Variants in NUBPL observed in about 807,000 individuals in gnomAD.
NUBPL encodes the protein NUBP iron-sulfur cluster assembly factor, mitochondrial, also known as iron-sulfur cluster transfer protein NUBPL.
Under a neutral mutation model 45.7 loss-of-function variants are expected in NUBPL, and 31 were observed. The ratio of observed to expected loss-of-function variants is 0.68; its 90% CI spans 0.51 to 0.92. The LOEUF is 0.92. Ranked by LOEUF, NUBPL falls within the 40% of genes least tolerant of loss-of-function variation. The pLI is 0.00. For missense variants in NUBPL, 401 were observed against 398.7 expected, an observed-to-expected ratio of 1.01 and a Z score of -0.05; for synonymous variants, 144 against 140.9, an observed-to-expected ratio of 1.02 and a Z score of -0.15.
chr14:31,608,757 G>T (rs2034672310), intron 4 of NUBPL, among the ~76,000 whole-genome samples: 1 of 152,084 alleles, frequency 6.6e-6, no homozygotes, highest in Non-Finnish European at 1.5e-5. Context: ...TCTGACAGGA[G>T]GCGGAACTCA....
At chr14:31,743,590 G>T (rs1181369758) in intron 6 of NUBPL, among the ~76,000 whole-genome samples, 1 of 152,118 alleles carries the variant, frequency 6.6e-6, no homozygotes, top group African/African-American at 2.4e-5. Context: ...GTGTTGGCCA[G>T]GCTGGTCTCG....
chr14:31,770,209 TAC>T (rs1321855939), intron 6 of NUBPL, among the ~76,000 whole-genome samples: 1 of 152,230 alleles, frequency 6.6e-6, no homozygotes, highest in Non-Finnish European at 1.5e-5. Flanking sequence ...GAGAGTTTAA[TAC>T]ACGTAGAGCT....
intron 4 of NUBPL, among the ~76,000 whole-genome samples, chr14:31,666,273 T>A (rs1021814378): frequency 0.063 from 6,731 of 106,108 alleles, 447 homozygotes; most frequent in Admixed American, 0.1. Context: ...AATTTTATTT[T>A]ATTTTTTTTG....
At chr14:31,591,477 G>A (rs2139527119) in intron 3 of NUBPL, among the ~76,000 whole-genome samples, 1 of 152,084 alleles carries the variant, frequency 6.6e-6, no homozygotes, top group Non-Finnish European at 1.5e-5. Flanking sequence ...TTTTAATAAA[G>A]CCACCATAGA....
intron 3 of NUBPL, among the ~76,000 whole-genome samples, chr14:31,582,363 A>T (rs971497672): frequency 6.7e-6 from 1 of 148,238 alleles, no homozygotes; most frequent in Non-Finnish European, 1.5e-5. Context: ...CAGGGGAAGG[A>T]TGTTTTCAGG....
At chr14:31,635,861 G>T (rs995077888) in intron 4 of NUBPL, among the ~76,000 whole-genome samples, 2 of 152,162 alleles carry the variant, frequency 1.3e-5, no homozygotes, top group African/African-American at 4.8e-5. Context: ...AATTGTGAAT[G>T]GGCGTTCACT....
At chr14:31,802,420 C>T (rs1054451466) in intron 7 of NUBPL, among the ~76,000 whole-genome samples, 13 of 152,034 alleles carry the variant, frequency 8.6e-5, no homozygotes, top group Middle Eastern at 3.4e-3. Flanking sequence ...GGACTACAGG[C>T]GCGTGCCACC....
At chr14:31,577,203 C>T (rs1037543082) in intron 3 of NUBPL, among the ~76,000 whole-genome samples, 8 of 152,216 alleles carry the variant, frequency 5.3e-5, no homozygotes, top group Non-Finnish European at 1.2e-4. Flanking sequence ...ATATCAGTCA[C>T]TAAGTGGGTT....
At chr14:31,580,487 G>A (rs933422392) in intron 3 of NUBPL, among the ~76,000 whole-genome samples, 15 of 152,084 alleles carry the variant, frequency 9.9e-5, no homozygotes, top group African/African-American at 2.2e-4. Flanking sequence ...GCATGGTGGC[G>A]TACAGCTGTA....
intron 4 of NUBPL, among the ~76,000 whole-genome samples, chr14:31,666,263 A>ATATATTTATTTATTATTT: frequency 6.9e-4 from 77 of 111,866 alleles, no homozygotes; most frequent in Middle Eastern, 9.4e-3. Flanking sequence ...ATATATATAT[A>ATATATTTATTTATTATTT]ATTTTATTTT....
chr14:31,644,662 A>G (rs1479324083), intron 4 of NUBPL, among the ~76,000 whole-genome samples: 1 of 152,022 alleles, frequency 6.6e-6, no homozygotes, highest in Admixed American at 6.6e-5. Context: ...ATGTCAGTTA[A>G]GTGTATTTGG....
At chr14:31,622,025 A>G (rs1202185485) in intron 4 of NUBPL, among the ~76,000 whole-genome samples, 2 of 152,220 alleles carry the variant, frequency 1.3e-5, no homozygotes, top group African/African-American at 4.8e-5. Flanking sequence ...GATATGCACA[A>G]TGAAGTTTAG....
At chr14:31,645,179 C>A (rs1428422336) in intron 4 of NUBPL, among the ~76,000 whole-genome samples, 1 of 151,894 alleles carries the variant, frequency 6.6e-6, no homozygotes, top group Non-Finnish European at 1.5e-5. Context: ...CATTCTCCTG[C>A]CTCAGCCTCC....
chr14:31,809,426 G>A (rs768561388), intron 7 of NUBPL, among the ~76,000 whole-genome samples: 1 of 152,186 alleles, frequency 6.6e-6, no homozygotes, highest in Non-Finnish European at 1.5e-5. Context: ...AGTATTCTCT[G>A]ATGGTAGTTT....
At chr14:31,616,218 T>C (rs939116123) in intron 4 of NUBPL, among the ~76,000 whole-genome samples, 1 of 152,192 alleles carries the variant, frequency 6.6e-6, no homozygotes, top group Non-Finnish European at 1.5e-5. Flanking sequence ...GCAAAAATTT[T>C]CTCCCATTCT....
intron 4 of NUBPL, among the ~76,000 whole-genome samples, chr14:31,622,366 G>C (rs1282809739): frequency 6.6e-6 from 1 of 152,034 alleles, no homozygotes. Context: ...AGCAAAACTC[G>C]TTTTTTTGGG....
intron 8 of NUBPL, 67 bp from the exon 9 acceptor site, chr14:31,846,404 A>G (rs2040453146): frequency 1.5e-6 from 2 of 1,348,578 alleles, no homozygotes; most frequent in Non-Finnish European, 1.0e-6. Flanking sequence ...CTCTGTAAAA[A>G]TTTGTTGAAG....
intron 6 of NUBPL, among the ~76,000 whole-genome samples, chr14:31,720,673 C>CA (rs2037788865): frequency 6.6e-6 from 1 of 152,088 alleles, no homozygotes; most frequent in Non-Finnish European, 1.5e-5. Context: ...CTGTGCTGTC[C>CA]AATACAGTAA....
At position 31,635,300 on chromosome 14, in the gene NUBPL, G is replaced by C. The variant is rs1000204816; in HGVS notation, c.382+35921G>C. 4.3e-4 allele frequency among the ~76,000 whole-genome samples: 66 copies of C among 152,182 alleles called. 1 individual carries two copies. Among genetic ancestry groups the C allele is most frequent in the South Asian group, 1.9e-3 (9 of 4,818 alleles). On this transcript the variant is annotated intron_variant, in intron 4 of 10. Transcript: ENST00000281081. ...AAGGAGGGGATCCAGTTTCAGCTTT[G>C]TACATATGGCTAGCCAGTTTTCCCA...
Sources: gnomAD v4.1 joint callset for allele counts (sites outside exome capture counted in the v4.1 genomes callset) on GRCh38, gnomAD v4.1.1 for gene constraint, MANE v1.5 for transcripts, NCBI Gene and HGNC (gene_info 2026-07-23, HGNC 2026-07-21) for gene names.